The following TANC1 variants were observed in gnomAD, a reference collection of about 807,000 sequenced individuals.
The protein encoded by TANC1 is tetratricopeptide repeat, ankyrin repeat and coiled-coil containing 1, also known as protein TANC1.
In TANC1, 77 loss-of-function variants were observed where a neutral mutation model predicts 149.7. The observed-to-expected ratio is 0.51, with a 90% confidence interval of 0.43 to 0.62. TANC1 has a LOEUF of 0.62. Among genes scored for constraint, TANC1 ranks in the 20% least tolerant of loss-of-function variants. The pLI is 0.00. For missense variants in TANC1, 1,985 were observed against 2,321.8 expected (o/e 0.85, Z 2.98); for synonymous variants, 854 against 925.0 (o/e 0.92, Z 1.39).
chr2:158,990,121 T>C (rs564629652), intron 1 of TANC1, among the ~76,000 whole-genome samples: 52 of 152,278 alleles, frequency 3.4e-4, no homozygotes, highest in African/African-American at 1.1e-3. Context: ...TTCACTATGT[T>C]GGCCAGGCTG....
At chr2:159,074,314 A>G (rs1215323020) in intron 3 of TANC1, among the ~76,000 whole-genome samples, 2 of 152,180 alleles carry the variant, frequency 1.3e-5, no homozygotes, top group Non-Finnish European at 2.9e-5. Flanking sequence ...GGAGCCTTCA[A>G]CTGCTAGATT....
intron 14 of TANC1, among the ~76,000 whole-genome samples, chr2:159,184,694 G>A (rs538521897): frequency 6.6e-6 from 1 of 152,290 alleles, no homozygotes; most frequent in East Asian, 1.9e-4. Flanking sequence ...GTTTCCATGG[G>A]AATAAGGGAG....
chr2:159,045,573 T>C (rs940433757), intron 2 of TANC1, among the ~76,000 whole-genome samples: 1 of 152,230 alleles, frequency 6.6e-6, no homozygotes, highest in African/African-American at 2.4e-5. Flanking sequence ...AGGAATATAT[T>C]TCAGAAGCCT....
chr2:159,099,183 C>T (rs913804922), intron 4 of TANC1, among the ~76,000 whole-genome samples: 2 of 152,162 alleles, frequency 1.3e-5, no homozygotes, highest in Non-Finnish European at 2.9e-5. Flanking sequence ...ACATTGTTTA[C>T]AATCCATTAA....
At chr2:159,136,071 A>T in intron 4 of TANC1, 123 bp from the exon 5 acceptor site, 2 of 517,032 alleles carry the variant, frequency 3.9e-6, no homozygotes, top group Non-Finnish European at 3.6e-6. Context: ...CGTTTAAGGG[A>T]GGGGAAGGCA....
chr2:159,017,443 G>A (rs1015270065), intron 2 of TANC1, among the ~76,000 whole-genome samples: 10 of 152,170 alleles, frequency 6.6e-5, no homozygotes, highest in African/African-American at 2.4e-4. Flanking sequence ...TCTCCTTAGA[G>A]CTAGGTGTCT....
chr2:159,072,944 A>T (rs1381665107), intron 3 of TANC1, among the ~76,000 whole-genome samples: 1 of 152,152 alleles, frequency 6.6e-6, no homozygotes, highest in Admixed American at 6.5e-5. Flanking sequence ...CCTATAACAA[A>T]ACTGGGGAAG....
At chr2:158,977,736 G>A (rs1342434473) in intron 1 of TANC1, among the ~76,000 whole-genome samples, 1 of 151,958 alleles carries the variant, frequency 6.6e-6, no homozygotes, top group Non-Finnish European at 1.5e-5. Context: ...CTGATATAAG[G>A]ACAGATAAGA....
At chr2:159,006,987 C>T (rs1483808424) in intron 2 of TANC1, among the ~76,000 whole-genome samples, 7 of 152,132 alleles carry the variant, frequency 4.6e-5, no homozygotes. Flanking sequence ...CACAGGTATG[C>T]AAAATTGCTT....
intron 2 of TANC1, among the ~76,000 whole-genome samples, chr2:159,021,716 G>T (rs925766093): frequency 1.1e-4 from 16 of 152,286 alleles, no homozygotes; most frequent in African/African-American, 3.8e-4. Flanking sequence ...AAATTTAACA[G>T]AATACAACTG....
Position 159,155,359 on chromosome 2 carries a change from A to G in TANC1, c.682+4803A>G, listed in dbSNP as rs114611050. ...TATTCTGGCTGAGGGAGGGGCCGTT[A>G]AGTCAGTCACTCTCTCCATTCGTCT... On this transcript the variant is annotated intron_variant, in intron 7 of 26. Transcript: ENST00000263635. Among the ~76,000 whole-genome samples, 1,115 of 152,308 alleles carry G rather than the reference A, an allele frequency of 7.3e-3. 14 individuals carry two copies. Among genetic ancestry groups the G allele is most frequent in the African/African-American group, 0.025 (1,046 of 41,560 alleles).
At chr2:159,033,662 T>C (rs2039957747) in intron 2 of TANC1, among the ~76,000 whole-genome samples, 1 of 152,172 alleles carries the variant, frequency 6.6e-6, no homozygotes, top group African/African-American at 2.4e-5. Context: ...AGCAAGCAGG[T>C]ATTCCTAAGA....
chr2:159,012,873 AGGAGGCTACTCTTTC>A (rs1435686941), intron 2 of TANC1, among the ~76,000 whole-genome samples: 1 of 152,196 alleles, frequency 6.6e-6, no homozygotes, highest in African/African-American at 2.4e-5. Flanking sequence ...GGGGGGATGT[AGGAGGCTACTCTTTC>A]GGTGTTCCAA....
chr2:159,179,474 C>T (rs949061712), intron 14 of TANC1, among the ~76,000 whole-genome samples: 1 of 151,964 alleles, frequency 6.6e-6, no homozygotes, highest in Non-Finnish European at 1.5e-5. Flanking sequence ...GTCTCCTCCC[C>T]CACCCAGCTT....
At chr2:159,163,662 A>G in intron 8 of TANC1, 116 bp downstream of exon 8, 1 of 1,157,918 alleles carries the variant, frequency 8.6e-7, no homozygotes, top group South Asian at 1.6e-5. Flanking sequence ...GCCGTGGGTC[A>G]GGCACTTACC....
intron 4 of TANC1, among the ~76,000 whole-genome samples, chr2:159,135,508 TG>T (rs766901291): frequency 6.6e-6 from 1 of 152,238 alleles, no homozygotes; most frequent in Non-Finnish European, 1.5e-5. Flanking sequence ...TCATTGTATG[TG>T]AGGGTTCCAT....
intron 16 of TANC1, among the ~76,000 whole-genome samples, chr2:159,187,419 T>A (rs2057078289): frequency 6.6e-6 from 1 of 152,196 alleles, no homozygotes; most frequent in Admixed American, 6.5e-5. Context: ...GGGTGATGCA[T>A]AGAGATAAGT....
At chr2:158,988,349 AGT>A (rs1559104591) in intron 1 of TANC1, among the ~76,000 whole-genome samples, 2 of 151,340 alleles carry the variant, frequency 1.3e-5, no homozygotes, top group African/African-American at 2.4e-5. Flanking sequence ...AAAAAGAAAA[AGT>A]GTTTTCGTTT....
At position 159,196,605 on chromosome 2, in the gene TANC1, C is replaced by T; in HGVS notation, c.2980-3C>T. On this transcript the variant is annotated splice_polypyrimidine_tract_variant and splice_region_variant and intron_variant, in intron 17 of 26. Coordinates refer to ENST00000263635, the MANE Select transcript of TANC1 (RefSeq NM_033394.3). ...TGTAACCTTCCCCTACTCCTGCCCC[C>T]AGGTGGACCACTTGGATAAGAAGGG... 1 of 1,595,576 alleles carries T rather than the reference C, an allele frequency of 6.3e-7. No individual in the cohort carries two copies. Among genetic ancestry groups the T allele is most frequent in the Non-Finnish European group, 8.6e-7 (1 of 1,167,974 alleles).
Sources: allele counts gnomAD v4.1 joint callset (sites outside exome capture counted in the v4.1 genomes callset), GRCh38; gene constraint gnomAD v4.1.1; transcripts MANE v1.5; gene names NCBI Gene and HGNC (gene_info 2026-07-23, HGNC 2026-07-21).